The following ZNF138 variants were observed in gnomAD, a reference collection of about 807,000 sequenced individuals.
The protein encoded by ZNF138 is zinc finger protein 138 (clone pHZ-32).
ZNF138 carries 33 observed loss-of-function variants against 33.0 expected under a neutral mutation model. That is an observed-to-expected ratio of 1.00 (90% CI 0.76 to 1.34). The LOEUF is 1.34. Among genes scored for constraint, ZNF138 ranks in the 40% most tolerant of loss-of-function variants. The probability of loss-of-function intolerance (pLI) is 0.00; values close to 1 mark genes in which losing one functional copy is unlikely to be tolerated. For synonymous variants in ZNF138, 139 were observed against 120.4 expected, an observed-to-expected ratio of 1.15 and a Z score of -1.01; for missense variants, 360 against 370.8, an observed-to-expected ratio of 0.97 and a Z score of 0.24.
At chr7:64,817,999 T>A (rs13226806) in intron 3 of ZNF138, among the ~76,000 whole-genome samples, 6,043 of 135,834 alleles carry the variant, frequency 0.044, 281 homozygotes, top group East Asian at 0.28. Flanking sequence ...TATTATTATT[T>A]TTTTTTTTTT....
At chr7:64,821,506 A>T (rs1482853542) in intron 3 of ZNF138, among the ~76,000 whole-genome samples, 1 of 151,516 alleles carries the variant, frequency 6.6e-6, no homozygotes, top group South Asian at 2.1e-4. Context: ...TACTTCAATT[A>T]TTTGTTCATT....
intron 1 of ZNF138, 144 bp from the exon 2 acceptor site, chr7:64,814,774 A>AG: frequency 9.7e-7 from 1 of 1,033,640 alleles, no homozygotes; most frequent in Non-Finnish European, 1.3e-6. Context: ...AAAAAAAAAA[A>AG]TTATTTTATG....
At chr7:64,819,028 T>A (rs778903821) in intron 3 of ZNF138, among the ~76,000 whole-genome samples, 2 of 151,464 alleles carry the variant, frequency 1.3e-5, no homozygotes. Flanking sequence ...TTGCTTAATA[T>A]TAGTTTATTG....
chr7:64,811,604 C>A (rs1364588916), intron 1 of ZNF138, among the ~76,000 whole-genome samples: 1 of 152,166 alleles, frequency 6.6e-6, no homozygotes, highest in Non-Finnish European at 1.5e-5. Flanking sequence ...TTTTGGACCC[C>A]CAAAGTGCCC....
intron 3 of ZNF138, among the ~76,000 whole-genome samples, chr7:64,821,805 A>G (rs1789166652): frequency 6.6e-6 from 1 of 151,470 alleles, no homozygotes. Context: ...TTGGCCTCCC[A>G]AAGTGTTGGG....
the ZNF138 span, among the ~76,000 whole-genome samples, chr7:64,858,913 C>T: frequency 6.6e-6 from 1 of 151,960 alleles, no homozygotes; most frequent in Non-Finnish European, 1.5e-5. Flanking sequence ...AGGTTGATTC[C>T]ATATCTTGGC....
the ZNF138 span, among the ~76,000 whole-genome samples, chr7:64,844,370 G>A: frequency 1.3e-5 from 2 of 151,440 alleles, no homozygotes; most frequent in East Asian, 4.0e-4. Flanking sequence ...ATAGAGTCTG[G>A]ATGTGGGTCT....
At chr7:64,824,691 A>G (rs186381109) in intron 3 of ZNF138, among the ~76,000 whole-genome samples, 39 of 152,300 alleles carry the variant, frequency 2.6e-4, no homozygotes, top group Middle Eastern at 3.4e-3. Flanking sequence ...TGATAAATTT[A>G]CCCATTTTAG....
downstream of ZNF138, among the ~76,000 whole-genome samples, chr7:64,838,391 C>A (rs1263854698): frequency 1.0e-5 from 1 of 96,780 alleles, no homozygotes; most frequent in Non-Finnish European, 2.1e-5. Context: ...AGGACGGTTG[C>A]TGTTGGCTAG....
chr7:64,831,866 A>C lies in ZNF138; in HGVS notation c.624A>C (p.Thr208=), dbSNP rs781430050. 4.3e-6 allele frequency: 7 copies of C among 1,613,906 alleles called. No individual in the cohort carries two copies. In the Admixed American group the frequency reaches 1.2e-4, roughly 27 times the overall value. ...GTGGAAAAACCTTTAACTGGTCCAC[A>C]AACCTTTCTAAACCTAAGAAAATTC... ...EECGKTFNWS[T]NLSKPKKIHT... is the part of the protein sequence containing the mutation. Residue 208 remains threonine, a synonymous_variant, in exon 4 of 4, where the codon ACA becomes ACC. Coordinates refer to ENST00000307355, the MANE Select transcript of ZNF138 (RefSeq NM_001271639.2).
chr7:64,830,962 C>T, intron 3 of ZNF138: 1 of 1,551,496 alleles, frequency 6.4e-7, no homozygotes. Flanking sequence ...CCTTTGATCT[C>T]AGTGGACTCA....
At position 64,815,058 on chromosome 7, in the gene ZNF138, C is replaced by A; in HGVS notation, c.130+14C>A. On this transcript the variant is annotated intron_variant, in intron 2 of 3. Transcript: ENST00000307355. ...TGGTTTTCTTGGGTGAGAATAACTT[C>A]AGTACACATTTCCTAATATATCCTA... The A allele has an allele frequency of 1.9e-6, 3 of 1,574,798 alleles. No homozygotes were observed. Among genetic ancestry groups the A allele is most frequent in the Non-Finnish European group, 2.6e-6 (3 of 1,164,300 alleles).
intron 1 of ZNF138, among the ~76,000 whole-genome samples, chr7:64,810,754 T>G (rs1721344493): frequency 6.6e-6 from 1 of 151,684 alleles, no homozygotes; most frequent in South Asian, 2.1e-4. Flanking sequence ...TTACTGTTTT[T>G]GGAGGCCTTA....
chr7:64,832,640 G>T lies in ZNF138; in HGVS notation c.*438G>T. 2 of 461,562 alleles carry T rather than the reference G, an allele frequency of 4.3e-6. No individual in the cohort carries two copies. The highest frequency in any genetic ancestry group is 5.6e-5 in the East Asian group (1 of 17,924). The allele number at this position is 461,562 out of a possible 1,614,324, so 28.6% of individuals were successfully genotyped here. ...AGTCCTCACACCTTATGAGACATAA[G>T]AAAATTCATAGTAAAGAGAAACCCT... On this transcript the variant is annotated 3_prime_UTR_variant, in exon 4 of 4. Transcript: ENST00000307355.
chr7:64,831,144 A>G, intron 3 of ZNF138: 2 of 1,530,380 alleles, frequency 1.3e-6, no homozygotes, highest in South Asian at 1.2e-5. Context: ...TTCTAGAGGC[A>G]CTATGTTATA....
In ZNF138 at chr7:64,832,439, T is replaced by A. The variant is rs1397793260; in HGVS notation, c.*237T>A. 1.8e-5 allele frequency: 26 copies of A among 1,439,468 alleles called. No homozygotes were observed. The East Asian group carries it at 3.7e-4, about 20-fold the overall frequency. The allele number at this position is 1,439,468 out of a possible 1,614,324, so 89.2% of individuals were successfully genotyped here. A position where few individuals can be genotyped will look rare whatever the true frequency, so the allele number is the denominator to read the frequency against. ...ACAAATGTAAAGAATGTGGAAAAGCTTTTCACCGATACTCAATCCTTAGTA... is the reference window on the plus strand; with the variant it reads ...ACAAATGTAAAGAATGTGGAAAAGCATTTCACCGATACTCAATCCTTAGTA... On this transcript the variant is annotated 3_prime_UTR_variant, in exon 4 of 4. Transcript: ENST00000307355.
intron 3 of ZNF138, among the ~76,000 whole-genome samples, chr7:64,817,549 C>G (rs2129003892): frequency 6.6e-6 from 1 of 152,238 alleles, no homozygotes; most frequent in South Asian, 2.1e-4. Context: ...TGCTACATAA[C>G]CCAAGCTGGT....
chr7:64,828,170 A>G (rs1050489673), intron 3 of ZNF138, among the ~76,000 whole-genome samples: 10 of 92,878 alleles, frequency 1.1e-4, no homozygotes, highest in Non-Finnish European at 1.9e-4. Flanking sequence ...TTTAAAAACT[A>G]TCATAATTCT....
At chr7:64,811,787 A>G (rs1324777717) in intron 1 of ZNF138, among the ~76,000 whole-genome samples, 1 of 152,170 alleles carries the variant, frequency 6.6e-6, no homozygotes, top group African/African-American at 2.4e-5. Context: ...TGCTTTCTCT[A>G]ACTAATGCTA....
Sources: allele counts gnomAD v4.1 joint callset (sites outside exome capture counted in the v4.1 genomes callset), GRCh38; gene constraint gnomAD v4.1.1; transcripts MANE v1.5; gene names NCBI Gene and HGNC (gene_info 2026-07-23, HGNC 2026-07-21).